SORCS2: variants seen among roughly 807,000 people sequenced by gnomAD.
SORCS2 encodes the protein sortilin related VPS10 domain containing receptor 2.
Under a neutral mutation model 141.6 loss-of-function variants are expected in SORCS2, and 100 were observed. The observed-to-expected ratio is 0.71, with a 90% confidence interval of 0.60 to 0.83. SORCS2 has a LOEUF of 0.83. Among genes scored for constraint, SORCS2 ranks in the 40% least tolerant of loss-of-function variants. SORCS2 has a pLI of 0.00. For synonymous variants in SORCS2, 789 were observed against 676.9 expected, an observed-to-expected ratio of 1.17 and a Z score of -2.57; for missense variants, 1,646 against 1,560.2, an observed-to-expected ratio of 1.05 and a Z score of -0.93.
At chr4:7,365,531 T>C (rs9884129) in intron 1 of SORCS2, among the ~76,000 whole-genome samples, 108,120 of 151,962 alleles carry the variant, frequency 0.71, 38,733 homozygotes, top group African/African-American at 0.8. Context: ...GTTTTTACAA[T>C]CCAGAACAAT....
intron 2 of SORCS2, among the ~76,000 whole-genome samples, chr4:7,426,052 C>T (rs1176186458): frequency 4.6e-5 from 7 of 152,224 alleles, no homozygotes; most frequent in Non-Finnish European, 8.8e-5. Context: ...ATGCTGGAGG[C>T]GTGGGCAGTG....
chr4:7,278,311 G>T (rs531628393), intron 1 of SORCS2, among the ~76,000 whole-genome samples: 20 of 152,302 alleles, frequency 1.3e-4, no homozygotes, highest in African/African-American at 4.6e-4. Flanking sequence ...TGTCTGCCTG[G>T]TTGGGACGAG....
intron 4 of SORCS2, among the ~76,000 whole-genome samples, chr4:7,650,471 G>A (rs529239632): frequency 1.3e-4 from 20 of 152,322 alleles, no homozygotes; most frequent in Admixed American, 2.6e-4. Context: ...TGGTGAAACT[G>A]AGGCTCAGAA....
At chr4:7,450,533 C>T (rs572277467) in intron 2 of SORCS2, among the ~76,000 whole-genome samples, 12 of 152,336 alleles carry the variant, frequency 7.9e-5, no homozygotes, top group East Asian at 3.9e-4. Context: ...AACCTTGCCC[C>T]GCAGGACTCA....
intron 3 of SORCS2, among the ~76,000 whole-genome samples, chr4:7,610,644 C>T (rs535506093): frequency 3.3e-5 from 5 of 152,162 alleles, no homozygotes; most frequent in Non-Finnish European, 7.3e-5. Flanking sequence ...GGAGGGGGCA[C>T]ATTCTGTGCT....
chr4:7,349,329 G>C (rs146598835), intron 1 of SORCS2, among the ~76,000 whole-genome samples: 1,550 of 152,294 alleles, frequency 0.01, 21 homozygotes, highest in African/African-American at 0.034. Context: ...AGGTGTCTCA[G>C]CATTCTCATT....
At chr4:7,586,351 T>C (rs1716537374) in intron 3 of SORCS2, among the ~76,000 whole-genome samples, 1 of 152,176 alleles carries the variant, frequency 6.6e-6, no homozygotes, top group African/African-American at 2.4e-5. Flanking sequence ...AGTTCCAAGG[T>C]ACATGTGCAG....
chr4:7,252,188 G>A (rs905013), intron 1 of SORCS2, among the ~76,000 whole-genome samples: 59,487 of 152,076 alleles, frequency 0.39, 12,824 homozygotes, highest in South Asian at 0.52. Flanking sequence ...CACTTGTGGA[G>A]GCTGGGGAGT....
At chr4:7,667,705 A>C (rs1722583377) in intron 8 of SORCS2, among the ~76,000 whole-genome samples, 1 of 152,184 alleles carries the variant, frequency 6.6e-6, no homozygotes, top group African/African-American at 2.4e-5. Context: ...TGCCTGGCAT[A>C]TAGTAGGTGC....
At chr4:7,550,134 G>A (rs751824558) in intron 3 of SORCS2, among the ~76,000 whole-genome samples, 12 of 20,424 alleles carry the variant, frequency 5.9e-4, no homozygotes, top group Non-Finnish European at 2.4e-3. Flanking sequence ...ATGTGTGTAT[G>A]TGTGTGTGTG....
chr4:7,418,332 C>T (rs1301123884), intron 2 of SORCS2, among the ~76,000 whole-genome samples: 4 of 152,234 alleles, frequency 2.6e-5, no homozygotes, highest in Non-Finnish European at 4.4e-5. Flanking sequence ...GTGCACGGGA[C>T]GGGGCAGCAA....
chr4:7,697,662 C>T (rs12649082), intron 12 of SORCS2, among the ~76,000 whole-genome samples: 40,617 of 152,044 alleles, frequency 0.27, 5,944 homozygotes, highest in East Asian at 0.59. Context: ...TGAGCCTTGA[C>T]TTGGGCTCTT....
chr4:7,405,543 C>T (rs577414041), intron 2 of SORCS2, among the ~76,000 whole-genome samples: 1 of 151,996 alleles, frequency 6.6e-6, no homozygotes, highest in African/African-American at 2.4e-5. Context: ...TTGTAGTTTT[C>T]CTTGTAGAGA....
chr4:7,525,436 G>A (rs143144510), intron 2 of SORCS2, among the ~76,000 whole-genome samples: 221 of 152,132 alleles, frequency 1.5e-3, no homozygotes, highest in Non-Finnish European at 2.3e-3. Context: ...AGCAGTGGGC[G>A]GACATGAGCC....
chr4:7,654,498 C>T (rs1254507634), intron 5 of SORCS2, among the ~76,000 whole-genome samples: 3 of 152,202 alleles, frequency 2.0e-5, no homozygotes, highest in African/African-American at 7.2e-5. Context: ...AGCTATGTGG[C>T]CCTGTGCCAC....
intron 3 of SORCS2, among the ~76,000 whole-genome samples, chr4:7,592,848 A>G (rs62277500): frequency 0.03 from 4,527 of 152,336 alleles, 103 homozygotes; most frequent in Non-Finnish European, 0.043. Flanking sequence ...TGAATGAATG[A>G]CATAAACCAC....
chr4:7,543,719 CCCAT>C (rs1712938395), intron 3 of SORCS2, among the ~76,000 whole-genome samples: 1 of 4,716 alleles, frequency 2.1e-4, no homozygotes, highest in Non-Finnish European at 6.8e-4. Context: ...CACCCATCCA[CCCAT>C]CCACCCATCC....
chr4:7,323,164 C>G (rs575929526), intron 1 of SORCS2, among the ~76,000 whole-genome samples: 1 of 152,308 alleles, frequency 6.6e-6, no homozygotes, highest in African/African-American at 2.4e-5. Context: ...TACTTGTGTA[C>G]TTACACTTCA....
At chr4:7,314,323 C>CTTTTTTTTTTTTTT (rs34546794) in intron 1 of SORCS2, among the ~76,000 whole-genome samples, 1 of 92,802 alleles carries the variant, frequency 1.1e-5, no homozygotes, top group African/African-American at 3.7e-5. Context: ...AAATCATGGC[C>CTTTTTTTTTTTTTT]TTTTTTTTAT....
Sources: gnomAD v4.1 joint callset for allele counts (sites outside exome capture counted in the v4.1 genomes callset) on GRCh38, gnomAD v4.1.1 for gene constraint, MANE v1.5 for transcripts, NCBI Gene and HGNC (gene_info 2026-07-23, HGNC 2026-07-21) for gene names.